Variants in PLEKHG4B observed in about 807,000 individuals in gnomAD.
The protein encoded by PLEKHG4B is pleckstrin homology domain-containing family G member 4B.
PLEKHG4B carries 111 observed loss-of-function variants against 121.3 expected under a neutral mutation model. That is an observed-to-expected ratio of 0.92 (90% CI 0.78 to 1.07). The LOEUF is 1.07. Ranked by LOEUF, PLEKHG4B falls within the 50% of genes least tolerant of loss-of-function variation. The pLI, the probability that PLEKHG4B is intolerant of heterozygous loss-of-function variation, is 0.00. For missense variants in PLEKHG4B, 1,831 were observed against 1,757.8 expected (o/e 1.04, Z -0.74); for synonymous variants, 738 against 725.0 (o/e 1.02, Z -0.29).
At chr5:150,262 A>G (rs986522480) in intron 6 of PLEKHG4B, among the ~76,000 whole-genome samples, 9 of 152,224 alleles carry the variant, frequency 5.9e-5, no homozygotes, top group Non-Finnish European at 7.3e-5. Flanking sequence ...CCAATCACAA[A>G]AAGACAAACA....
intron 6 of PLEKHG4B, among the ~76,000 whole-genome samples, chr5:147,509 T>C (rs1735458064): frequency 1.3e-5 from 2 of 152,132 alleles, no homozygotes; most frequent in African/African-American, 4.8e-5. Flanking sequence ...TGAGCAAACC[T>C]AAGGCAGTGA....
intron 7 of PLEKHG4B, among the ~76,000 whole-genome samples, chr5:152,068 A>G (rs1735622452): frequency 6.6e-6 from 1 of 152,192 alleles, no homozygotes; most frequent in Non-Finnish European, 1.5e-5. Flanking sequence ...GCTGTTTCCA[A>G]GGTACTTCCT....
In PLEKHG4B at chr5:182,395, A is replaced by G. The variant is rs2126469836; in HGVS notation, c.*72A>G. ...AGGGAGCAGCACGCCAGGCCTGATG[A>G]CTCTGGGGGTGGCGGTGCCCATCGC... is the stretch of plus-strand genomic sequence containing the variant. On this transcript the variant is annotated 3_prime_UTR_variant, in exon 20 of 20. Coordinates refer to ENST00000637938, the MANE Select transcript of PLEKHG4B (RefSeq NM_052909.5). 1 of 1,455,200 alleles carries G rather than the reference A, an allele frequency of 6.9e-7. No individual in the cohort carries two copies. The highest frequency in any genetic ancestry group is 2.5e-5 in the East Asian group (1 of 40,028). 90.1% of individuals were successfully genotyped at this position (1,455,200 alleles called of 1,614,324 possible).
chr5:162,079 CT>C (rs146311578), intron 12 of PLEKHG4B, 135 bp downstream of exon 12: 76,025 of 1,161,732 alleles, frequency 0.065, 7,443 homozygotes, highest in African/African-American at 0.44. Context: ...TGGAGCCCCC[CT>C]GGCCACTGCG....
At position 171,089 on chromosome 5, in the gene PLEKHG4B, A is replaced by G; in HGVS notation, c.3776A>G (p.Gln1259Arg). Residue 1259 changes from glutamine (Q) to arginine (R), a missense_variant, in exon 15 of 20, where the codon CAG becomes CGG. Transcript: ENST00000637938. ...GTGATCTACAGCAAAAACAAGCCGC[A>G]GTCGGATGCCCTGCTCAGCAGCCAT... Reference protein sequence around the residue: ...MYVIYSKNKPQSDALLSSHGN... With the variant: ...MYVIYSKNKPRSDALLSSHGN... 4 of 1,613,416 alleles carry G rather than the reference A, an allele frequency of 2.5e-6. No individual in the cohort carries two copies. Among genetic ancestry groups the G allele is most frequent in the East Asian group, 4.5e-5 (2 of 44,836 alleles).
intron 2 of PLEKHG4B, among the ~76,000 whole-genome samples, chr5:131,813 G>C (rs1005790325): frequency 3.3e-5 from 5 of 152,128 alleles, no homozygotes; most frequent in Non-Finnish European, 7.4e-5. Flanking sequence ...ATTCTAACTG[G>C]TGTGAGATGG....
chr5:102,974 G>T (rs1733867119), intron 1 of PLEKHG4B, among the ~76,000 whole-genome samples: 1 of 152,176 alleles, frequency 6.6e-6, no homozygotes, highest in Non-Finnish European at 1.5e-5. Flanking sequence ...CTTCTTGCTA[G>T]CACATCTGGC....
At position 134,314 on chromosome 5, in the gene PLEKHG4B, G is replaced by A. The variant is rs540557794; in HGVS notation, c.244-5169G>A. 7.2e-5 allele frequency among the ~76,000 whole-genome samples: 11 copies of A among 151,764 alleles called. No homozygotes were observed. In the South Asian group the frequency reaches 1.9e-3, roughly 26 times the overall value. On this transcript the variant is annotated intron_variant, in intron 2 of 19. Coordinates refer to ENST00000637938, the MANE Select transcript of PLEKHG4B (RefSeq NM_052909.5). ...TAAGAATAATACAATAGACTTTGGG[G>A]ATTCATGGGAAAGGGTGGGAGGCAG... is the stretch of plus-strand genomic sequence containing the variant.
intron 18 of PLEKHG4B, among the ~76,000 whole-genome samples, chr5:179,907 A>G (rs1736877865): frequency 6.6e-6 from 1 of 152,048 alleles, no homozygotes; most frequent in Non-Finnish European, 1.5e-5. Context: ...TATTTTTGAT[A>G]TGTAGGTTTG....
chr5:163,061 G>A lies in PLEKHG4B; in HGVS notation c.2989G>A (p.Asp997Asn). The change falls in exon 13 of 20, where the codon GAC (aspartate) becomes AAC (asparagine). Residue 997 changes from aspartate to asparagine, a missense_variant. Coordinates refer to ENST00000637938, the MANE Select transcript of PLEKHG4B (RefSeq NM_052909.5). ...HQKPPSFPST[D>N]SGGGAWEPAQ... The stretch of plus-strand genomic sequence containing the variant: ...GAAGCCACCCTCATTCCCCAGCACG[G>A]ACAGTGGGGGTGGTGCCTGGGAACC... 1.3e-6 allele frequency: 2 copies of A among 1,560,240 alleles called. No individual in the cohort carries two copies.
chr5:156,022 G>A lies in PLEKHG4B; in HGVS notation c.2209-49G>A. On this transcript the variant is annotated intron_variant, in intron 9 of 19. Coordinates refer to ENST00000637938, the MANE Select transcript of PLEKHG4B (RefSeq NM_052909.5). This position sits in a 1 kb window ranked among gnomAD's most constrained non-coding sequence, Gnocchi z 4.4. Reference sequence around the variant, plus strand: ...GCCACTGTCACACTTGGGAGGACCTGCCCCTTGGAGGAGGGAGTTAAAGGC... The same window carrying A: ...GCCACTGTCACACTTGGGAGGACCTACCCCTTGGAGGAGGGAGTTAAAGGC... 1.4e-6 allele frequency: 2 copies of A among 1,479,112 alleles called. No individual in the cohort carries two copies. Among genetic ancestry groups the A allele is most frequent in the Non-Finnish European group, 9.1e-7 (1 of 1,103,230 alleles). 91.6% of individuals were successfully genotyped at this position (1,479,112 alleles called of 1,614,324 possible). A position where few individuals can be genotyped will look rare whatever the true frequency, so the allele number is the denominator to read the frequency against.
chr5:142,552 C>T (rs1433504589), intron 3 of PLEKHG4B, among the ~76,000 whole-genome samples: 1 of 151,122 alleles, frequency 6.6e-6, no homozygotes, highest in African/African-American at 2.4e-5. Context: ...GTTCCAAATA[C>T]CACACACACA....
intron 2 of PLEKHG4B, among the ~76,000 whole-genome samples, chr5:121,892 G>A (rs556282986): frequency 1.3e-5 from 2 of 151,612 alleles, no homozygotes; most frequent in African/African-American, 4.8e-5. Context: ...TACTAGATAG[G>A]TGAAGGGTAC....
chr5:186,744 A>G lies in PLEKHG4B; in HGVS notation c.*4421A>G, dbSNP rs995231440. 1 of 152,642 alleles carries G rather than the reference A, an allele frequency of 6.6e-6. No individual in the cohort carries two copies. The highest frequency in any genetic ancestry group is 6.5e-5 in the Admixed American group (1 of 15,284). The allele number at this position is 152,642 out of a possible 1,614,324, so 9.5% of individuals were successfully genotyped here. On this transcript the variant is annotated 3_prime_UTR_variant, in exon 20 of 20. Coordinates refer to ENST00000637938, the MANE Select transcript of PLEKHG4B (RefSeq NM_052909.5). ...CAGCGGCCCCCTCGCCTCGACCACC[A>G]GTGCCTCCTTCCAAGCTGCCTGAGC...
At position 139,753 on chromosome 5, in the gene PLEKHG4B, C is replaced by T. The variant is rs1735094515; in HGVS notation, c.514C>T (p.Arg172Cys). Residue 172 changes from arginine (R) to cysteine (C), a missense_variant, in exon 3 of 20, where the codon CGC becomes TGC. Physicochemically the swap from Arg to Cys is radical, Grantham distance 180. Coordinates refer to ENST00000637938, the MANE Select transcript of PLEKHG4B (RefSeq NM_052909.5). This position sits in a 1 kb window ranked among gnomAD's most constrained non-coding sequence, Gnocchi z 5.0. The part of the protein sequence containing the change: ...AFLEWVNRER[R>C]HVPLQTCLLT... ...CCTGGAGTGGGTGAACCGGGAGCGG[C>T]GCCATGTCCCCCTGCAAACCTGCTT... 3 of 399,010 alleles carry T rather than the reference C, an allele frequency of 7.5e-6. No individual in the cohort carries two copies. Among genetic ancestry groups the T allele is most frequent in the Non-Finnish European group, 8.8e-6 (2 of 226,272 alleles). The allele number at this position is 399,010 out of a possible 1,614,324, so 24.7% of individuals were successfully genotyped here. A position where few individuals can be genotyped will look rare whatever the true frequency, so the allele number is the denominator to read the frequency against.
At chr5:120,543 T>C (rs1404116810) in intron 2 of PLEKHG4B, among the ~76,000 whole-genome samples, 7 of 152,070 alleles carry the variant, frequency 4.6e-5, no homozygotes, top group African/African-American at 7.2e-5. Context: ...GGCTGAAAGG[T>C]GGAGAGAGAT....
chr5:146,292 C>T (rs1162040694), intron 6 of PLEKHG4B, among the ~76,000 whole-genome samples: 4 of 121,564 alleles, frequency 3.3e-5, no homozygotes, highest in Non-Finnish European at 1.8e-5. Flanking sequence ...TTCCCACACC[C>T]TGTGACCCTC....
chr5:162,288 C>T (rs908813532), intron 12 of PLEKHG4B, among the ~76,000 whole-genome samples: 30 of 73,340 alleles, frequency 4.1e-4, no homozygotes, highest in Non-Finnish European at 6.9e-4. Flanking sequence ...CCAGACCGCA[C>T]GCCTGCGAGC....
intron 3 of PLEKHG4B, 47 bp from the exon 4 acceptor site, chr5:142,999 CG>C (rs1735274073): frequency 6.4e-7 from 1 of 1,552,250 alleles, no homozygotes; most frequent in African/African-American, 1.4e-5. Context: ...CTGCTTTCAA[CG>C]CGCAGGAAAA....
Sources: allele counts gnomAD v4.1 joint callset (sites outside exome capture counted in the v4.1 genomes callset), GRCh38; gene constraint gnomAD v4.1.1; non-coding constraint Gnocchi (gnomAD v3.1); transcripts MANE v1.5; gene names NCBI Gene and HGNC (gene_info 2026-07-23, HGNC 2026-07-21).